The following CCDC88C variants were observed in gnomAD, a reference collection of about 807,000 sequenced individuals.
The protein encoded by CCDC88C is protein Daple.
A neutral mutation model predicts 198.8 loss-of-function variants in CCDC88C; 131 were observed. The observed-to-expected ratio is 0.66, with a 90% confidence interval of 0.57 to 0.76. The LOEUF (loss-of-function observed/expected upper bound fraction) is 0.76, where lower values mean the gene tolerates loss of function less well. CCDC88C is among the 30% of genes least tolerant of loss of function. The pLI, the probability that CCDC88C is intolerant of heterozygous loss-of-function variation, is 0.00. For missense variants in CCDC88C, 2,553 were observed against 2,631.6 expected, an observed-to-expected ratio of 0.97 and a Z score of 0.65; for synonymous variants, 1,166 against 1,114.7, an observed-to-expected ratio of 1.05 and a Z score of -0.92.
In CCDC88C at chr14:91,290,336, C is replaced by T. The variant is rs530935518; in HGVS notation, c.4202+659G>A. Among the ~76,000 whole-genome samples the T allele has an allele frequency of 9.1e-4, 139 of 152,332 alleles. 1 individual carries two copies. Among genetic ancestry groups the T allele is most frequent in the Admixed American group, 2.5e-3 (39 of 15,304 alleles). The stretch of plus-strand genomic sequence containing the variant: ...CAAAAACCAAAAACAGACTGAGGTT[C>T]GGAAATTCTGTGGTTCTGGATTCCC... On this transcript the variant is annotated intron_variant, in intron 24 of 29. Transcript: ENST00000389857.
At chr14:91,348,322 T>TAAAA (rs11449969) in intron 4 of CCDC88C, among the ~76,000 whole-genome samples, 3 of 117,886 alleles carry the variant, frequency 2.5e-5, no homozygotes, top group Non-Finnish European at 3.4e-5. Context: ...CTATCTCTAT[T>TAAAA]AAAAAAAAAA....
intron 2 of CCDC88C, among the ~76,000 whole-genome samples, chr14:91,413,629 G>T (rs568576878): frequency 9.2e-5 from 14 of 152,316 alleles, no homozygotes; most frequent in African/African-American, 3.1e-4. Flanking sequence ...TTTCATTCAT[G>T]AATTCTCCTA....
intron 24 of CCDC88C, 61 bp from the exon 25 acceptor site, chr14:91,289,404 T>C: frequency 7.0e-7 from 1 of 1,423,428 alleles, no homozygotes; most frequent in Non-Finnish European, 9.9e-7. Flanking sequence ...AGTGGGTCCC[T>C]GGTTCCCTAA....
intron 15 of CCDC88C, among the ~76,000 whole-genome samples, chr14:91,312,570 A>T (rs952716584): frequency 5.3e-5 from 8 of 152,186 alleles, no homozygotes; most frequent in African/African-American, 1.9e-4. Flanking sequence ...CTGTAGGCCC[A>T]GCTATGTGGG....
intron 23 of CCDC88C, 121 bp downstream of exon 23, chr14:91,294,052 G>A (rs1890888274): frequency 1.8e-6 from 2 of 1,082,090 alleles, no homozygotes; most frequent in African/African-American, 3.1e-5. Flanking sequence ...TCTGTGCCCT[G>A]CCCTCAGGAT....
chr14:91,400,626 C>T (rs964259916), intron 3 of CCDC88C, among the ~76,000 whole-genome samples: 2 of 152,232 alleles, frequency 1.3e-5, no homozygotes, highest in African/African-American at 2.4e-5. Flanking sequence ...GATCCTCCAA[C>T]AAAAACGAAG....
At chr14:91,326,800 C>T (rs756625458) in intron 10 of CCDC88C, among the ~76,000 whole-genome samples, 2 of 152,222 alleles carry the variant, frequency 1.3e-5, no homozygotes, top group Non-Finnish European at 2.9e-5. Context: ...TCATTCAATA[C>T]ACTGCTCCTA....
In CCDC88C at chr14:91,407,394, T is replaced by A. The variant is rs565739127; in HGVS notation, c.270+1265A>T. On this transcript the variant is annotated intron_variant, in intron 3 of 29. Coordinates refer to ENST00000389857, the MANE Select transcript of CCDC88C (RefSeq NM_001080414.4). ...CACAACATCCAAAGATGCTCCCGAA[T>A]CCCAGAACCAAGACTAAGTTACAGC... is the stretch of plus-strand genomic sequence containing the variant. Among the ~76,000 whole-genome samples the A allele has an allele frequency of 3.9e-5, 6 of 152,042 alleles. No homozygotes were observed. In the East Asian group the frequency reaches 9.7e-4, roughly 25 times the overall value.
In CCDC88C at chr14:91,313,584, C is replaced by A; in HGVS notation, c.2232G>T (p.Val744=). 6.2e-7 allele frequency: 1 copy of A among 1,612,332 alleles called. No individual in the cohort carries two copies. The highest frequency in any genetic ancestry group is 2.2e-5 in the East Asian group (1 of 44,882). Residue 744 remains valine, a synonymous_variant, in exon 15 of 30, where the codon GTG becomes GTT. Transcript: ENST00000389857. This position sits in a 1 kb window ranked among gnomAD's most constrained non-coding sequence, Gnocchi z 5.2. ...EREKEELRKN[V]DLLKALGKKS... ...TCTTGCCCAGCGCCTTGAGCAGATC[C>A]ACGTTCTTCCTCAGCTCCTCCTTCT...
At position 91,384,466 on chromosome 14, in the gene CCDC88C, T is replaced by C. The variant is rs560489832; in HGVS notation, c.270+24193A>G. 4.5e-4 allele frequency: 234 copies of C among 525,702 alleles called. 1 individual carries two copies. The highest frequency in any genetic ancestry group is 2.1e-3 in the South Asian group (152 of 72,220). 32.6% of individuals were successfully genotyped at this position (525,702 alleles called of 1,614,324 possible). ...TGGGTTTTGATCCTTCTTTGGGTCA[T>C]AGTCTGGATCATTTTCCTCATCTCC... On this transcript the variant is annotated intron_variant, in intron 3 of 29. Coordinates refer to ENST00000389857, the MANE Select transcript of CCDC88C (RefSeq NM_001080414.4).
chr14:91,320,901 C>A (rs538306637), intron 13 of CCDC88C, among the ~76,000 whole-genome samples: 1 of 152,188 alleles, frequency 6.6e-6, no homozygotes, highest in Non-Finnish European at 1.5e-5. Flanking sequence ...CTAATGGCAG[C>A]GAAGCAGGGA....
At chr14:91,396,160 A>G (rs1361400892) in intron 3 of CCDC88C, among the ~76,000 whole-genome samples, 9 of 152,198 alleles carry the variant, frequency 5.9e-5, no homozygotes, top group Non-Finnish European at 1.3e-4. Flanking sequence ...CTGAATAACA[A>G]AAACTGTTAC....
intron 6 of CCDC88C, among the ~76,000 whole-genome samples, chr14:91,341,194 C>G (rs1893295530): frequency 1.3e-5 from 2 of 152,128 alleles, no homozygotes; most frequent in Admixed American, 1.3e-4. Flanking sequence ...TCAGAGCACC[C>G]TAAGGGCACA....
At chr14:91,308,630 A>G (rs1891662765) in intron 16 of CCDC88C, 138 bp from the exon 17 acceptor site, 3 of 870,526 alleles carry the variant, frequency 3.4e-6, no homozygotes, top group Non-Finnish European at 5.4e-6. Flanking sequence ...AGAAGAACTC[A>G]CGAGCCAAAA....
chr14:91,305,526 G>A (rs1217827649), intron 19 of CCDC88C, among the ~76,000 whole-genome samples: 1 of 152,180 alleles, frequency 6.6e-6, no homozygotes, highest in Non-Finnish European at 1.5e-5. Context: ...AGTAAAAGGA[G>A]AGAAATGAAA....
At chr14:91,403,665 C>T (rs1019817415) in intron 3 of CCDC88C, among the ~76,000 whole-genome samples, 5 of 152,262 alleles carry the variant, frequency 3.3e-5, no homozygotes, top group African/African-American at 1.2e-4. Flanking sequence ...CTTACAGGCT[C>T]GTGCCTATAA....
In CCDC88C at chr14:91,325,799, G is replaced by A; in HGVS notation, c.1197+111C>T. 9 of 1,089,006 alleles carry A rather than the reference G, an allele frequency of 8.3e-6. No individual in the cohort carries two copies. In the South Asian group the frequency reaches 9.8e-5, roughly 12 times the overall value. 67.5% of individuals were successfully genotyped at this position (1,089,006 alleles called of 1,614,324 possible). ...AGGTTGCCAGGGTTAGAACTCCTGC[G>A]CTCAAGGGATCCTCCCACCTTAGCC... On this transcript the variant is annotated intron_variant, in intron 11 of 29. Transcript: ENST00000389857. This position sits in a 1 kb window ranked among gnomAD's most constrained non-coding sequence, Gnocchi z 4.1.
intron 4 of CCDC88C, among the ~76,000 whole-genome samples, chr14:91,354,972 A>G (rs1397909507): frequency 6.6e-6 from 1 of 152,224 alleles, no homozygotes; most frequent in Non-Finnish European, 1.5e-5. Context: ...GTGGGGCCAC[A>G]CTGAACAGGG....
At chr14:91,329,682 A>G (rs575592004) in intron 10 of CCDC88C, among the ~76,000 whole-genome samples, 15 of 152,358 alleles carry the variant, frequency 9.8e-5, no homozygotes, top group Admixed American at 7.2e-4. Context: ...TTATTAATTA[A>G]TCAATTGTCA....
Sources: gnomAD v4.1 joint callset for allele counts (sites outside exome capture counted in the v4.1 genomes callset) on GRCh38, gnomAD v4.1.1 for gene constraint, Gnocchi (gnomAD v3.1) non-coding constraint, MANE v1.5 for transcripts, NCBI Gene and HGNC (gene_info 2026-07-23, HGNC 2026-07-21) for gene names.